SIRPB1: variants seen among roughly 807,000 people sequenced by gnomAD.
SIRPB1 encodes the protein signal regulatory protein beta 1, also known as signal-regulatory protein beta-1.
A neutral mutation model predicts 34.1 loss-of-function variants in SIRPB1; 28 were observed. That is an observed-to-expected ratio of 0.82 (90% CI 0.61 to 1.12). The LOEUF (loss-of-function observed/expected upper bound fraction) is 1.12. SIRPB1 is among the 50% of genes most tolerant of loss of function. SIRPB1 has a pLI of 0.00. For missense variants in SIRPB1, 499 were observed against 507.0 expected, an observed-to-expected ratio of 0.98 and a Z score of 0.15; for synonymous variants, 211 against 203.8, an observed-to-expected ratio of 1.04 and a Z score of -0.30.
rs776196105 is a variant in SIRPB1 at position 1,571,980 on chromosome 20, G to C, written c.491C>G (p.Thr164Arg). ...GPAVRATPEH[T>R]VSFTCESHGF... is the part of the protein sequence containing the mutation. ...ATGGGACTCGCAGGTGAAGCTCACT[G>C]TGTGCTCAGGTGTGGCCCTCACCGC... The change falls in exon 3 of 6, where the codon ACA becomes AGA. Residue 164 changes from threonine (T) to arginine (R), a missense_variant. Transcript: ENST00000381605. 5 of 1,614,102 alleles carry C rather than the reference G, an allele frequency of 3.1e-6. No homozygotes were observed. Among genetic ancestry groups the C allele is most frequent in the Non-Finnish European group, 4.2e-6 (5 of 1,180,008 alleles).
chr20:1,610,920 C>G lies in SIRPB1; in HGVS notation c.76+8949G>C, dbSNP rs150358355. Reference sequence around the variant, plus strand: ...TCATTCACTGCTGTTTGCACAGCATCTAGGGCAGAGCCTGGCACACAGTGG... The same window carrying G: ...TCATTCACTGCTGTTTGCACAGCATGTAGGGCAGAGCCTGGCACACAGTGG... On this transcript the variant is annotated intron_variant, in intron 1 of 5. Transcript: ENST00000381605. 9.9e-4 allele frequency among the ~76,000 whole-genome samples: 72 copies of G among 73,002 alleles called. 33 individuals carry two copies. The highest frequency in any genetic ancestry group is 6.0e-3 in the African/African-American group (69 of 11,518). 47.9% of individuals were successfully genotyped at this position (73,002 alleles called of 152,430 possible).
rs771569537 is a variant in SIRPB1, at chr20:1,611,699, C to T, written c.76+8170G>A. 3.3e-6 allele frequency: 3 copies of T among 918,622 alleles called. 1 individual carries two copies. The highest frequency in any genetic ancestry group is 2.9e-6 in the Non-Finnish European group (2 of 693,436). The allele number at this position is 918,622 out of a possible 1,614,324, so 56.9% of individuals were successfully genotyped here. ...TCAGGCTGAATCACCTGCAGCTCTT[C>T]CTCGCCAGCTACCCCTGGAAAGGAG... is the stretch of plus-strand genomic sequence containing the variant. On this transcript the variant is annotated intron_variant, in intron 1 of 5. Transcript: ENST00000381605.
In SIRPB1 at chr20:1,619,995, C is replaced by T. The variant is rs374659553; in HGVS notation, c.-51G>A. ...GTCCAAACGTCTGTGCTGGGAAGAT[C>T]GCAGACTCTGCTCTGAGGAGAGAAG... On this transcript the variant is annotated 5_prime_UTR_variant, in exon 1 of 6. Transcript: ENST00000381605. 25 of 1,552,868 alleles carry T rather than the reference C, an allele frequency of 1.6e-5. No individual in the cohort carries two copies. The highest frequency in any genetic ancestry group is 9.4e-5 in the South Asian group (8 of 84,926).
At chr20:1,572,544 G>A (rs1449318118) in intron 2 of SIRPB1, among the ~76,000 whole-genome samples, 1 of 151,292 alleles carries the variant, frequency 6.6e-6, no homozygotes, top group African/African-American at 2.4e-5. Context: ...ACGGAGGACG[G>A]CGTTTCTACT....
In SIRPB1 at chr20:1,571,998, C is replaced by T. The variant is rs2091247957; in HGVS notation, c.473G>A (p.Arg158Lys). 2 of 1,614,082 alleles carry T rather than the reference C, an allele frequency of 1.2e-6. No homozygotes were observed. The highest frequency in any genetic ancestry group is 1.1e-5 in the South Asian group (1 of 91,076). The change falls in exon 3 of 6, where the codon AGG becomes AAG. Residue 158 changes from arginine to lysine, a missense_variant. Coordinates refer to ENST00000381605, the MANE Select transcript of SIRPB1 (RefSeq NM_006065.5). ...SAPVVSGPAV[R>K]ATPEHTVSFT... ...GCTCACTGTGTGCTCAGGTGTGGCC[C>T]TCACCGCAGGGCCCGATACCACGGG...
At chr20:1,588,512 T>C (rs780202780) in intron 1 of SIRPB1, 1 of 548,896 alleles carries the variant, frequency 1.8e-6, no homozygotes, top group South Asian at 3.6e-5. Context: ...GGACAGGATA[T>C]AGCCCTGCCA....
chr20:1,567,156 T>A (rs940527862), intron 4 of SIRPB1, among the ~76,000 whole-genome samples: 1 of 152,134 alleles, frequency 6.6e-6, no homozygotes, highest in African/African-American at 2.4e-5. Flanking sequence ...GACCTCAGCA[T>A]CTATAGCCGC....
At chr20:1,571,159 G>A in intron 3 of SIRPB1, 22 bp from the exon 4 acceptor site, 8 of 1,600,328 alleles carry the variant, frequency 5.0e-6, no homozygotes, top group African/African-American at 1.3e-5. Context: ...CAGGGCAGAA[G>A]CTCTGATCTT....
intron 1 of SIRPB1, among the ~76,000 whole-genome samples, chr20:1,614,031 A>G (rs1206688995): frequency 6.6e-6 from 1 of 152,238 alleles, no homozygotes; most frequent in African/African-American, 2.4e-5. Context: ...AGAGACCCTC[A>G]ATAAGATTTT....
rs1373964944 is a variant in SIRPB1 at position 1,571,103 on chromosome 20, C to T, written c.786G>A (p.Met262Ile). 6.2e-7 allele frequency: 1 copy of T among 1,613,988 alleles called. No homozygotes were observed. The highest frequency in any genetic ancestry group is 8.5e-7 in the Non-Finnish European group (1 of 1,179,890). ...TGACGTTTGCCTGGTTCTCTGCCCT[C>T]ATGGGCTGTTGAGTAACCTCCAAGG... ...PPTLEVTQQP[M>I]RAENQANVTC... is the part of the protein sequence containing the mutation. Residue 262 changes from methionine (M) to isoleucine (I), a missense_variant, in exon 4 of 6, where the codon ATG becomes ATA. Met to Ile is a conservative substitution (Grantham distance 10, BLOSUM62 1). Transcript: ENST00000381605.
At chr20:1,572,737 T>C (rs2091261417) in intron 2 of SIRPB1, among the ~76,000 whole-genome samples, 1 of 151,504 alleles carries the variant, frequency 6.6e-6, no homozygotes, top group Non-Finnish European at 1.5e-5. Flanking sequence ...TTCACAAATA[T>C]TTCGTTCTGT....
rs750300863 is a variant in SIRPB1 at position 1,570,916 on chromosome 20, C to A, written c.973G>T (p.Asp325Tyr). The A allele has an allele frequency of 1.7e-5, 28 of 1,614,036 alleles. No individual in the cohort carries two copies. The highest frequency in any genetic ancestry group is 2.3e-5 in the Non-Finnish European group (27 of 1,180,032). Residue 325 changes from aspartate (D) to tyrosine (Y), a missense_variant, in exon 4 of 6, where the codon GAT becomes TAT. Physicochemically the swap from Asp to Tyr is radical, Grantham distance 160 (BLOSUM62 -3). Coordinates refer to ENST00000381605, the MANE Select transcript of SIRPB1 (RefSeq NM_006065.5). Reference protein sequence around the residue: ...LLVNTCAHRDDVVLTCQVEHD... With the variant: ...LLVNTCAHRDYVVLTCQVEHD... ...TCCACCTGACAGGTGAGCACCACAT[C>A]GTCCCTGTGGGCACAGGTGTTCACC...
chr20:1,589,630 C>T lies in SIRPB1; in HGVS notation c.77-10936G>A, dbSNP rs1168948255. 4.1e-5 allele frequency among the ~76,000 whole-genome samples: 2 copies of T among 48,522 alleles called. 1 individual carries two copies. The highest frequency in any genetic ancestry group is 7.9e-5 in the Non-Finnish European group (2 of 25,268). 31.8% of individuals were successfully genotyped at this position (48,522 alleles called of 152,430 possible). On this transcript the variant is annotated intron_variant, in intron 1 of 5. Coordinates refer to ENST00000381605, the MANE Select transcript of SIRPB1 (RefSeq NM_006065.5). ...AAAGGAGATAATGATTGTACCATGC[C>T]TGAAACCCAGTAGGTCATTATTGAT...
At chr20:1,570,535 A>T in intron 4 of SIRPB1, 1 of 333,030 alleles carries the variant, frequency 3.0e-6, no homozygotes, top group Middle Eastern at 8.7e-4. Flanking sequence ...TTTTCCTTTA[A>T]TGTATATTTA....
At position 1,578,340 on chromosome 20, in the gene SIRPB1, C is replaced by A. The variant is rs201638914; in HGVS notation, c.431G>T (p.Arg144Leu). ...KSGAGTELSV[R>L]AKPSAPVVSG... is the part of the protein sequence containing the mutation. Reference sequence around the variant, plus strand: ...AAGGAGGCCCACGCTGTACTCACCGCGCACAGACAGCTCAGTGCCTGCTCC... The same window carrying A: ...AAGGAGGCCCACGCTGTACTCACCGAGCACAGACAGCTCAGTGCCTGCTCC... Residue 144 changes from arginine to leucine, a missense_variant and splice_region_variant, in exon 2 of 6, where the codon CGC becomes CTC. Physicochemically the swap from Arg to Leu is moderately radical, Grantham distance 102. Transcript: ENST00000381605. The A allele has an allele frequency of 1.8e-5, 29 of 1,583,088 alleles. No individual in the cohort carries two copies. The Admixed American group carries it at 4.7e-4, about 26-fold the overall frequency.
At chr20:1,578,743 T>G in intron 1 of SIRPB1, 49 bp from the exon 2 acceptor site, 1 of 1,433,898 alleles carries the variant, frequency 7.0e-7, no homozygotes, top group Non-Finnish European at 9.8e-7. Context: ...CCTGATTCTC[T>G]GTGTTTCCTC....
Position 1,588,508 on chromosome 20 carries a change from G to GAT in SIRPB1, c.77-9816_77-9815dup. 1.7e-5 allele frequency: 9 copies of GAT among 541,056 alleles called. 3 individuals are homozygous for GAT. The highest frequency in any genetic ancestry group is 2.2e-5 in the Non-Finnish European group (9 of 410,982). The allele number at this position is 541,056 out of a possible 1,614,324, so 33.5% of individuals were successfully genotyped here. A position where few individuals can be genotyped will look rare whatever the true frequency, so the allele number is the denominator to read the frequency against. On this transcript the variant is annotated intron_variant, in intron 1 of 5. Transcript: ENST00000381605. Reference sequence around the variant, plus strand: ...GGAATCCCCAAAGGTCCAGGGACAGGATATAGCCCTGCCAGCGGAGAGAAA... The same window carrying GAT: ...GGAATCCCCAAAGGTCCAGGGACAGGATATATAGCCCTGCCAGCGGAGAGAAA...
intron 4 of SIRPB1, among the ~76,000 whole-genome samples, chr20:1,567,044 T>A (rs79421370): frequency 6.6e-6 from 1 of 152,190 alleles, no homozygotes; most frequent in Non-Finnish European, 1.5e-5. Flanking sequence ...ACTGTTTGCA[T>A]TTTTTAAATA....
Position 1,611,645 on chromosome 20 carries a change from A to T in SIRPB1, c.76+8224T>A, listed in dbSNP as rs1135195. On this transcript the variant is annotated intron_variant, in intron 1 of 5. Transcript: ENST00000381605. Reference sequence around the variant, plus strand: ...GTCACAGTGCAGTGCAGAGTGGCCGACTCTCCAGCTGCAACTGATATGGAC... The same window carrying T: ...GTCACAGTGCAGTGCAGAGTGGCCGTCTCTCCAGCTGCAACTGATATGGAC... The T allele has an allele frequency of 1.6e-6, 2 of 1,258,934 alleles. 1 individual carries two copies. Among genetic ancestry groups the T allele is most frequent in the South Asian group, 2.9e-5 (2 of 69,664 alleles). The allele number at this position is 1,258,934 out of a possible 1,614,324, so 78.0% of individuals were successfully genotyped here.
Sources: allele counts gnomAD v4.1 joint callset (sites outside exome capture counted in the v4.1 genomes callset), GRCh38; gene constraint gnomAD v4.1.1; transcripts MANE v1.5; gene names NCBI Gene and HGNC (gene_info 2026-07-23, HGNC 2026-07-21).